The following C1orf146 variants were observed in gnomAD, a reference collection of about 807,000 sequenced individuals.
C1orf146 encodes protein SPO16 homolog.
Under a neutral mutation model 23.0 loss-of-function variants are expected in C1orf146, and 22 were observed. That is an observed-to-expected ratio of 0.96 (90% CI 0.68 to 1.36). The LOEUF is 1.36. C1orf146 is among the 40% of genes most tolerant of loss of function. C1orf146 has a pLI of 0.00. For synonymous variants in C1orf146, 59 were observed against 65.3 expected, an observed-to-expected ratio of 0.90 and a Z score of 0.47; for missense variants, 199 against 206.8, an observed-to-expected ratio of 0.96 and a Z score of 0.23.
chr1:92,228,661 G>A (rs1652029170), intron 1 of C1orf146, among the ~76,000 whole-genome samples: 3 of 152,144 alleles, frequency 2.0e-5, no homozygotes, highest in South Asian at 4.1e-4. Context: ...TGCACAGATC[G>A]GAGACTGCTG....
intron 1 of C1orf146, among the ~76,000 whole-genome samples, chr1:92,222,102 G>T (rs1057367630): frequency 6.6e-6 from 1 of 152,056 alleles, no homozygotes; most frequent in African/African-American, 2.4e-5. Flanking sequence ...TCAGCCAGGC[G>T]TGGTGGCGCA....
At chr1:92,224,642 C>G (rs1276112557) in intron 1 of C1orf146, among the ~76,000 whole-genome samples, 1 of 152,212 alleles carries the variant, frequency 6.6e-6, no homozygotes, top group African/African-American at 2.4e-5. Flanking sequence ...CAATGTTTAT[C>G]AATGTTGTTG....
intron 1 of C1orf146, among the ~76,000 whole-genome samples, chr1:92,230,306 A>G (rs1188566161): frequency 7.2e-6 from 1 of 138,422 alleles, no homozygotes; most frequent in African/African-American, 2.6e-5. Context: ...CGATCTCCAC[A>G]ATAAGTTAAA....
rs751132971 is a variant in C1orf146 at position 92,231,481 on chromosome 1, C to G, written c.61C>G (p.Leu21Val). ...AACCACCATTATTATTAGCTCATCTCTTAAGGTAAAGGGGCATTTGGGCCA... is the reference window on the plus strand; with the variant it reads ...AACCACCATTATTATTAGCTCATCTGTTAAGGTAAAGGGGCATTTGGGCCA... Reference protein sequence around the residue: ...WTTTIIISSSLKSYEVATALE... With the variant: ...WTTTIIISSSVKSYEVATALE... Residue 21 changes from leucine to valine, a missense_variant, in exon 2 of 6, where the codon CTT (leucine) becomes GTT (valine). Leu to Val is a conservative substitution (Grantham distance 32). Transcript: ENST00000370375. The G allele has an allele frequency of 5.0e-6, 8 of 1,607,244 alleles. No individual in the cohort carries two copies. In the African/African-American group the frequency reaches 1.1e-4, roughly 22 times the overall value.
intron 2 of C1orf146, among the ~76,000 whole-genome samples, chr1:92,235,567 T>G (rs1203689384): frequency 6.6e-6 from 1 of 152,248 alleles, no homozygotes; most frequent in African/African-American, 2.4e-5. Context: ...GGTGTGGTGC[T>G]GAAGAAAATG....
At chr1:92,234,352 G>T (rs571593609) in intron 2 of C1orf146, among the ~76,000 whole-genome samples, 1 of 152,254 alleles carries the variant, frequency 6.6e-6, no homozygotes, top group East Asian at 1.9e-4. Context: ...GACCTTTTCT[G>T]CATCTTTTGA....
intron 1 of C1orf146, among the ~76,000 whole-genome samples, chr1:92,228,664 G>A (rs1346279908): frequency 6.6e-6 from 1 of 152,142 alleles, no homozygotes; most frequent in Non-Finnish European, 1.5e-5. Flanking sequence ...ACAGATCGGA[G>A]ACTGCTGGCC....
At position 92,244,244 on chromosome 1, in the gene C1orf146, A is replaced by T. The variant is rs143946132; in HGVS notation, c.188A>T (p.Lys63Met). ...GTTGCATTTTTATTAATGGATACTAAGGAATGTCTTCTGTCAACTGAAGAA... is the reference window on the plus strand; with the variant it reads ...GTTGCATTTTTATTAATGGATACTATGGAATGTCTTCTGTCAACTGAAGAA... ...SGVAFLLMDT[K>M]ECLLSTEEIF... Residue 63 changes from lysine (K) to methionine (M), a missense_variant, in exon 4 of 6, where the codon AAG (lysine) becomes ATG (methionine). Coordinates refer to ENST00000370375, the MANE Select transcript of C1orf146 (RefSeq NM_001012425.2). 422 of 1,600,274 alleles carry T rather than the reference A, an allele frequency of 2.6e-4. 4 individuals carry two copies. The African/African-American group carries it at 3.3e-3, about 12-fold the overall frequency.
chr1:92,242,107 A>G, intron 2 of C1orf146, 105 bp from the exon 3 acceptor site: 8 of 531,208 alleles, frequency 1.5e-5, no homozygotes, highest in Non-Finnish European at 2.6e-5. Flanking sequence ...TCATATCTTT[A>G]AGTGGTAGTT....
intron 1 of C1orf146, among the ~76,000 whole-genome samples, chr1:92,219,618 G>A (rs1038652365): frequency 6.9e-6 from 1 of 145,440 alleles, no homozygotes; most frequent in Non-Finnish European, 1.5e-5. Flanking sequence ...CACACCTAAG[G>A]AATGGGGAGT....
chr1:92,233,632 T>C (rs1652190726), intron 2 of C1orf146, among the ~76,000 whole-genome samples: 1 of 152,184 alleles, frequency 6.6e-6, no homozygotes, highest in Admixed American at 6.5e-5. Context: ...AGTAGTTTTT[T>C]CCAATTCTGT....
At position 92,244,735 on chromosome 1, in the gene C1orf146, T is replaced by C. The variant is rs753099697; in HGVS notation, c.330-44T>C. 2.5e-6 allele frequency: 3 copies of C among 1,220,262 alleles called. No homozygotes were observed. The South Asian group carries it at 3.9e-5, about 16-fold the overall frequency. The allele number at this position is 1,220,262 out of a possible 1,614,324, so 75.6% of individuals were successfully genotyped here. On this transcript the variant is annotated intron_variant, in intron 4 of 5. Transcript: ENST00000370375. ...CTTTCCACTTTCTTAAGAGAACAGATGTCAGCAAGTTATATGATCTGTATA... is the reference window on the plus strand; with the variant it reads ...CTTTCCACTTTCTTAAGAGAACAGACGTCAGCAAGTTATATGATCTGTATA...
intron 1 of C1orf146, among the ~76,000 whole-genome samples, chr1:92,218,995 T>C (rs1651754120): frequency 6.6e-6 from 1 of 152,188 alleles, no homozygotes; most frequent in Admixed American, 6.5e-5. Flanking sequence ...GTGATTACTT[T>C]ACTTCTCTTA....
intron 1 of C1orf146, among the ~76,000 whole-genome samples, chr1:92,227,667 CAT>C (rs888837329): frequency 8.5e-5 from 13 of 152,110 alleles, no homozygotes; most frequent in African/African-American, 2.2e-4. Flanking sequence ...ATTTTAAAAA[CAT>C]ATTAATCTCA....
At chr1:92,228,916 C>T (rs530063081) in intron 1 of C1orf146, 60 of 420,726 alleles carry the variant, frequency 1.4e-4, no homozygotes, top group African/African-American at 1.1e-3. Context: ...ATTCCAGATT[C>T]GTGAGGCTAG....
At chr1:92,222,665 C>T (rs2100726590) in intron 1 of C1orf146, among the ~76,000 whole-genome samples, 1 of 150,138 alleles carries the variant, frequency 6.7e-6, no homozygotes, top group South Asian at 2.1e-4. Context: ...TGGCTCACTG[C>T]AAGCTCTGCC....
Position 92,242,207 on chromosome 1 carries a change from A to G in C1orf146, c.67-5A>G. 6.5e-7 allele frequency: 1 copy of G among 1,541,318 alleles called. No individual in the cohort carries two copies. Among genetic ancestry groups the G allele is most frequent in the East Asian group, 2.3e-5 (1 of 43,650 alleles). ...AATTTGTATTTCTGATATTTTTTAA[A>G]AAAGAGTTATGAAGTTGCAACTGCC... On this transcript the variant is annotated splice_region_variant and splice_polypyrimidine_tract_variant and intron_variant, in intron 2 of 5. Transcript: ENST00000370375.
intron 5 of C1orf146, among the ~76,000 whole-genome samples, 185 bp downstream of exon 5, chr1:92,245,042 G>T (rs750377617): frequency 2.6e-4 from 39 of 152,122 alleles, no homozygotes; most frequent in Non-Finnish European, 5.1e-4. Flanking sequence ...ACTTCCAGTA[G>T]CCACTACCAT....
Position 92,245,804 on chromosome 1 carries a change from T to C in C1orf146, c.*130T>C. Reference sequence around the variant, plus strand: ...TAACATATACAATTAAAAGTGATTTTATTTTAGGAGTTTCGCTGCAAGATT... The same window carrying C: ...TAACATATACAATTAAAAGTGATTTCATTTTAGGAGTTTCGCTGCAAGATT... On this transcript the variant is annotated 3_prime_UTR_variant, in exon 6 of 6. Transcript: ENST00000370375. 1 of 607,730 alleles carries C rather than the reference T, an allele frequency of 1.6e-6. No homozygotes were observed. The highest frequency in any genetic ancestry group is 2.6e-6 in the Non-Finnish European group (1 of 382,642). 37.6% of individuals were successfully genotyped at this position (607,730 alleles called of 1,614,324 possible).
Sources: allele counts gnomAD v4.1 joint callset (sites outside exome capture counted in the v4.1 genomes callset), GRCh38; gene constraint gnomAD v4.1.1; transcripts MANE v1.5; gene names NCBI Gene and HGNC (gene_info 2026-07-23, HGNC 2026-07-21).